RAB7A: variants seen among roughly 807,000 people sequenced by gnomAD.
RAB7A encodes the protein RAB7A, member RAS oncogene family, also known as ras-related protein Rab-7a.
In RAB7A, 2 loss-of-function variants were observed where a neutral mutation model predicts 24.5. The observed-to-expected ratio is 0.08, with a 90% CI of 0.03 to 0.26. RAB7A has a LOEUF of 0.26. Ranked by LOEUF, RAB7A falls within the 10% of genes least tolerant of loss-of-function variation. The probability of loss-of-function intolerance (pLI) is 1.00; values close to 1 mark genes in which losing one functional copy is unlikely to be tolerated. For synonymous variants in RAB7A, 100 were observed against 95.9 expected (o/e 1.04, Z -0.25); for missense variants, 118 against 255.7 (o/e 0.46, Z 3.67).
chr3:128,766,805 G>C (rs1576285012), intron 1 of RAB7A, among the ~76,000 whole-genome samples: 1 of 152,090 alleles, frequency 6.6e-6, no homozygotes, highest in South Asian at 2.1e-4. Context: ...CTCCCAAAGT[G>C]CTGGGATTAC....
chr3:128,764,029 A>G (rs557267895), intron 1 of RAB7A, among the ~76,000 whole-genome samples: 111 of 152,246 alleles, frequency 7.3e-4, no homozygotes, highest in African/African-American at 2.6e-3. Flanking sequence ...CAGGAGAGCA[A>G]GCAACAAGTG....
intron 1 of RAB7A, among the ~76,000 whole-genome samples, chr3:128,763,264 G>A (rs1425959239): frequency 1.4e-5 from 2 of 140,500 alleles, no homozygotes; most frequent in Admixed American, 7.5e-5. Flanking sequence ...GCCCAGGCTG[G>A]AGTGTAGTGG....
intron 1 of RAB7A, among the ~76,000 whole-genome samples, chr3:128,780,632 C>T (rs893490961): frequency 3.9e-5 from 6 of 152,150 alleles, no homozygotes; most frequent in Non-Finnish European, 7.3e-5. Flanking sequence ...TGTGTTTACC[C>T]CCTAGCTCAT....
chr3:128,753,896 C>T (rs1183425635), intron 1 of RAB7A, among the ~76,000 whole-genome samples: 2 of 152,046 alleles, frequency 1.3e-5, no homozygotes, highest in Non-Finnish European at 2.9e-5. Flanking sequence ...GCTTGGGCCT[C>T]AAAAGTGCTG....
intron 5 of RAB7A, among the ~76,000 whole-genome samples, chr3:128,808,124 A>G (rs185401452): frequency 9.0e-4 from 137 of 152,276 alleles, no homozygotes; most frequent in Admixed American, 2.2e-3. Context: ...TGGGAGGCCA[A>G]GGCGGGCTGA....
intron 1 of RAB7A, among the ~76,000 whole-genome samples, chr3:128,732,543 A>G (rs2070449265): frequency 6.6e-6 from 1 of 152,188 alleles, no homozygotes; most frequent in African/African-American, 2.4e-5. Flanking sequence ...ACTCTTGGCC[A>G]GGCATGGTGG....
chr3:128,770,615 T>A (rs955796906), intron 1 of RAB7A, among the ~76,000 whole-genome samples: 2 of 152,148 alleles, frequency 1.3e-5, no homozygotes, highest in Non-Finnish European at 2.9e-5. Flanking sequence ...ACATCATCAG[T>A]TGTTCAGTCA....
intron 1 of RAB7A, among the ~76,000 whole-genome samples, chr3:128,727,193 G>C (rs2070389112): frequency 6.6e-6 from 1 of 152,202 alleles, no homozygotes; most frequent in South Asian, 2.1e-4. Flanking sequence ...AGATCATTAT[G>C]TTTAGTTCTT....
intron 1 of RAB7A, among the ~76,000 whole-genome samples, chr3:128,793,562 T>G (rs1933506769): frequency 6.6e-6 from 1 of 152,232 alleles, no homozygotes; most frequent in African/African-American, 2.4e-5. Flanking sequence ...TATTTGAAAC[T>G]TGCCCCCATT....
chr3:128,765,138 C>G (rs748217010), intron 1 of RAB7A: 3 of 704,694 alleles, frequency 4.3e-6, no homozygotes, highest in Non-Finnish European at 7.7e-6. Flanking sequence ...GGCGGCCGGC[C>G]GGGGTGGGGG....
At chr3:128,729,199 G>A (rs2070409594) in intron 1 of RAB7A, among the ~76,000 whole-genome samples, 1 of 152,050 alleles carries the variant, frequency 6.6e-6, no homozygotes, top group Non-Finnish European at 1.5e-5. Flanking sequence ...ACTCTTTATA[G>A]TAAAGTGTGG....
In RAB7A at chr3:128,807,532, T is replaced by G. The variant is rs139905992; in HGVS notation, c.400-11T>G. 46 of 1,613,916 alleles carry G rather than the reference T, an allele frequency of 2.9e-5. No homozygotes were observed. The highest frequency in any genetic ancestry group is 1.9e-4 in the African/African-American group (14 of 75,032). On this transcript the variant is annotated splice_polypyrimidine_tract_variant and intron_variant, in intron 4 of 5. Coordinates refer to ENST00000265062, the MANE Select transcript of RAB7A (RefSeq NM_004637.6). ...GTCATGAGCCTATGTGCACCCTGCT[T>G]CTTCTTTCAGGTGGCCACAAAGCGG...
intron 1 of RAB7A, chr3:128,749,381 G>A (rs1239959742): frequency 1.3e-5 from 2 of 152,256 alleles, no homozygotes; most frequent in Admixed American, 6.5e-5. Context: ...GCTCTGCTGA[G>A]CTTTGTGGAT....
intron 1 of RAB7A, among the ~76,000 whole-genome samples, chr3:128,762,517 A>G (rs140953305): frequency 9.2e-4 from 140 of 152,214 alleles, no homozygotes; most frequent in Non-Finnish European, 1.6e-3. Context: ...AATGGAAGTG[A>G]TTATATGAAG....
Position 128,740,323 on chromosome 3 carries a change from G to A in RAB7A, c.-9+13964G>A, listed in dbSNP as rs532634887. 2.6e-5 allele frequency among the ~76,000 whole-genome samples: 4 copies of A among 152,290 alleles called. No individual in the cohort carries two copies. The East Asian group carries it at 5.8e-4, about 22-fold the overall frequency. ...TTGAACCTGGGAGGCAGAGATGGCC[G>A]TGAGCCGAGATGGCGCCACTGCACT... On this transcript the variant is annotated intron_variant, in intron 1 of 5. Coordinates refer to ENST00000265062, the MANE Select transcript of RAB7A (RefSeq NM_004637.6).
At chr3:128,759,899 G>A (rs1170363246) in intron 1 of RAB7A, among the ~76,000 whole-genome samples, 1 of 151,982 alleles carries the variant, frequency 6.6e-6, no homozygotes, top group Non-Finnish European at 1.5e-5. Flanking sequence ...TAGTAGAGAC[G>A]GGGTTTCTCC....
intron 1 of RAB7A, among the ~76,000 whole-genome samples, chr3:128,730,528 T>G (rs2070425841): frequency 6.6e-6 from 1 of 152,176 alleles, no homozygotes; most frequent in Non-Finnish European, 1.5e-5. Flanking sequence ...ATGCCCAGCC[T>G]AAAACTTATT....
intron 1 of RAB7A, among the ~76,000 whole-genome samples, chr3:128,751,177 A>G (rs2070677330): frequency 6.6e-6 from 1 of 152,180 alleles, no homozygotes. Flanking sequence ...GTTGGGATGG[A>G]GCCCCCACAC....
In RAB7A at chr3:128,768,892, G is replaced by A. The variant is rs547229836; in HGVS notation, c.-8-26468G>A. On this transcript the variant is annotated intron_variant, in intron 1 of 5. Transcript: ENST00000265062. The stretch of plus-strand genomic sequence containing the variant: ...GTGCAGTTCAAATATTCACAAGGTT[G>A]TACAACCGTCACCATCTAATTACAG... Among the ~76,000 whole-genome samples the A allele has an allele frequency of 4.1e-5, 6 of 147,772 alleles. No homozygotes were observed. The South Asian group carries it at 1.3e-3, about 32-fold the overall frequency.
Sources: allele counts gnomAD v4.1 joint callset (sites outside exome capture counted in the v4.1 genomes callset), GRCh38; gene constraint gnomAD v4.1.1; transcripts MANE v1.5; gene names NCBI Gene and HGNC (gene_info 2026-07-23, HGNC 2026-07-21).